The following STK3 variants were observed in gnomAD, a reference collection of about 807,000 sequenced individuals.
STK3 encodes the protein serine/threonine kinase 3, also known as serine/threonine-protein kinase 3.
A neutral mutation model predicts 58.0 loss-of-function variants in STK3; 41 were observed. The observed-to-expected ratio is 0.71, with a 90% CI of 0.55 to 0.92. The LOEUF (loss-of-function observed/expected upper bound fraction) is 0.92. Among genes scored for constraint, STK3 ranks in the 40% least tolerant of loss-of-function variants. The pLI is 0.00. For missense variants in STK3, 479 were observed against 602.7 expected (o/e 0.79, Z 2.15); for synonymous variants, 170 against 191.0 (o/e 0.89, Z 0.91).
At chr8:98,836,142 AG>A (rs1835738602) in intron 3 of STK3, among the ~76,000 whole-genome samples, 1 of 152,080 alleles carries the variant, frequency 6.6e-6, no homozygotes, top group African/African-American at 2.4e-5. Context: ...CAGAGGTTGC[AG>A]TGAGCTGAGA....
chr8:98,920,755 G>A (rs368482060), intron 1 of STK3, among the ~76,000 whole-genome samples: 10 of 152,342 alleles, frequency 6.6e-5, no homozygotes, highest in East Asian at 1.9e-4. Context: ...GGAGAAGCAG[G>A]GCAAGAGGCT....
chr8:98,587,780 T>C (rs975078466), intron 7 of STK3, among the ~76,000 whole-genome samples: 1 of 152,138 alleles, frequency 6.6e-6, no homozygotes, highest in African/African-American at 2.4e-5. Context: ...ATCTGGGTGC[T>C]CCTGTGTTGG....
chr8:98,817,312 G>T (rs917126891), intron 1 of STK3, among the ~76,000 whole-genome samples: 1 of 152,004 alleles, frequency 6.6e-6, no homozygotes, highest in African/African-American at 2.4e-5. Context: ...AAATTAGCTG[G>T]GTGTGGTGGC....
intron 1 of STK3, among the ~76,000 whole-genome samples, chr8:98,382,880 C>T (rs1343819465): frequency 2.0e-5 from 3 of 152,212 alleles, no homozygotes; most frequent in Non-Finnish European, 4.4e-5. Flanking sequence ...AGGGCTTGGG[C>T]TCCGTCCTGC....
intron 4 of STK3, among the ~76,000 whole-genome samples, chr8:98,727,789 C>G (rs1827886561): frequency 6.6e-6 from 1 of 152,132 alleles, no homozygotes; most frequent in African/African-American, 2.4e-5. Context: ...CTAGCACCTC[C>G]CCTAGCTAGT....
chr8:98,761,988 A>G (rs759568693), intron 3 of STK3, among the ~76,000 whole-genome samples: 9 of 152,264 alleles, frequency 5.9e-5, no homozygotes, highest in South Asian at 2.1e-4. Context: ...GCTCTATTTC[A>G]CCATAAGAGT....
rs200556218 is a variant in STK3 at position 98,903,556 on chromosome 8, C to CTTCTTCCTCTTCTTCTTCTT, written c.-78-19723_-78-19722insAAGAAGAAGAAGAGGAAGAA. On this transcript the variant is annotated intron_variant, in intron 1 of 1. Coordinates refer to the STK3 transcript ENST00000519420. ...TCTTCTTCTTCTTCTTCTTCTTCTT[C>CTTCTTCCTCTTCTTCTTCTT]CTTTTTTTTTTTTTAAGTGGGGCCT... Among the ~76,000 whole-genome samples, 169 of 50,516 alleles carry CTTCTTCCTCTTCTTCTTCTT rather than the reference C, an allele frequency of 3.3e-3. 10 individuals are homozygous for CTTCTTCCTCTTCTTCTTCTT. The highest frequency in any genetic ancestry group is 0.018 in the Admixed American group (70 of 3,890). 33.1% of individuals were successfully genotyped at this position (50,516 alleles called of 152,430 possible).
intron 1 of STK3, among the ~76,000 whole-genome samples, chr8:98,913,933 G>A (rs951711501): frequency 6.6e-6 from 1 of 152,248 alleles, no homozygotes; most frequent in Non-Finnish European, 1.5e-5. Flanking sequence ...GGATTTATCA[G>A]GTGGGAACTG....
chr8:98,522,019 A>C (rs1825401960), intron 10 of STK3, among the ~76,000 whole-genome samples: 1 of 152,214 alleles, frequency 6.6e-6, no homozygotes, highest in African/African-American at 2.4e-5. Flanking sequence ...AGTGCCTAGC[A>C]CAATCCAAAG....
chr8:98,351,720 C>A, the STK3 span, among the ~76,000 whole-genome samples: 1 of 152,166 alleles, frequency 6.6e-6, no homozygotes, highest in African/African-American at 2.4e-5. Context: ...CAAGGGACAT[C>A]CCTAGCATTC....
At chr8:98,916,965 A>G (rs1017520763) in intron 1 of STK3, among the ~76,000 whole-genome samples, 4 of 152,252 alleles carry the variant, frequency 2.6e-5, no homozygotes, top group African/African-American at 9.6e-5. Flanking sequence ...TCATGAACAG[A>G]TGTGGAGGAG....
intron 1 of STK3, among the ~76,000 whole-genome samples, chr8:98,795,347 A>G (rs971210046): frequency 6.6e-6 from 1 of 150,780 alleles, no homozygotes; most frequent in African/African-American, 2.4e-5. Flanking sequence ...TAAAAAAAAA[A>G]AAAAAAAACC....
At chr8:98,932,536 G>C (rs1470067347) in intron 1 of STK3, among the ~76,000 whole-genome samples, 1 of 152,218 alleles carries the variant, frequency 6.6e-6, no homozygotes, top group East Asian at 1.9e-4. Flanking sequence ...AGCCATTGTA[G>C]GTGTTTAATG....
At chr8:98,720,304 C>T (rs374670435) in intron 4 of STK3, among the ~76,000 whole-genome samples, 182 of 152,244 alleles carry the variant, frequency 1.2e-3, no homozygotes, top group African/African-American at 4.1e-3. Context: ...TTCCTTTTAA[C>T]AGACGAGGAA....
intron 3 of STK3, among the ~76,000 whole-genome samples, chr8:98,754,240 C>T (rs2131376109): frequency 6.6e-6 from 1 of 152,106 alleles, no homozygotes; most frequent in East Asian, 1.9e-4. Context: ...AGACTTAGAA[C>T]TGCAACATAT....
intron 6 of STK3, among the ~76,000 whole-genome samples, chr8:98,621,057 G>A (rs184747036): frequency 1.1e-3 from 161 of 150,534 alleles, no homozygotes; most frequent in African/African-American, 3.8e-3. Context: ...AGCCTCCCAA[G>A]TAGCTGGGAC....
intron 10 of STK3, among the ~76,000 whole-genome samples, chr8:98,508,411 C>T (rs1824255058): frequency 6.6e-6 from 1 of 152,026 alleles, no homozygotes; most frequent in African/African-American, 2.4e-5. Context: ...AATGTCAAGA[C>T]AGGCAAATCC....
intron 1 of STK3, among the ~76,000 whole-genome samples, chr8:98,813,852 T>G (rs1587688080): frequency 6.6e-6 from 1 of 152,216 alleles, no homozygotes; most frequent in African/African-American, 2.4e-5. Context: ...GAAAATGCTC[T>G]AACATATTCA....
intron 1 of STK3, among the ~76,000 whole-genome samples, chr8:98,903,557 C>CTTCTTCTTTT (rs1564093746): frequency 3.0e-4 from 3 of 9,926 alleles, no homozygotes; most frequent in Non-Finnish European, 4.5e-4. Context: ...CTTCTTCTTC[C>CTTCTTCTTTT]TTTTTTTTTT....
Sources: allele counts gnomAD v4.1 joint callset (sites outside exome capture counted in the v4.1 genomes callset), GRCh38; gene constraint gnomAD v4.1.1; transcripts MANE v1.5; gene names NCBI Gene and HGNC (gene_info 2026-07-23, HGNC 2026-07-21).